The following OTUD7A variants were observed in gnomAD, a reference collection of about 807,000 sequenced individuals.
The protein encoded by OTUD7A is OTU deubiquitinase 7A.
In OTUD7A, 12 loss-of-function variants were observed where a neutral mutation model predicts 65.7. The observed-to-expected ratio is 0.18, with a 90% confidence interval of 0.12 to 0.30. The LOEUF is 0.30. Among genes scored for constraint, OTUD7A ranks in the 10% least tolerant of loss-of-function variants. OTUD7A has a pLI of 1.00. For missense variants in OTUD7A, 1,148 were observed against 1,304.8 expected (o/e 0.88, Z 1.85); for synonymous variants, 641 against 586.3 (o/e 1.09, Z -1.35).
intron 1 of OTUD7A, among the ~76,000 whole-genome samples, chr15:31,833,764 T>G (rs1896990500): frequency 6.6e-6 from 1 of 152,232 alleles, no homozygotes. Flanking sequence ...GTATTTTGAG[T>G]GAATAGATCA....
rs1242891075 is a variant in OTUD7A at position 31,483,482 on chromosome 15, C to T, written c.2614G>A (p.Ala872Thr). Residue 872 changes from alanine (A) to threonine (T), a missense_variant, in exon 13 of 13, where the codon GCC becomes ACC. By Grantham distance (58) the Ala-to-Thr change is moderately conservative. Coordinates refer to ENST00000307050, the MANE Select transcript of OTUD7A (RefSeq NM_001382637.1). ...CGCGCGGTCGGCGCGTCGGCGTCGG[C>T]GAACTCCAGGCCGTCGCGCAGGGCG... ...FGALRDGLEF[A>T]DADAPTARSN... is the part of the protein sequence containing the mutation. 7.9e-6 allele frequency: 11 copies of T among 1,392,626 alleles called. No individual in the cohort carries two copies. The highest frequency in any genetic ancestry group is 1.0e-5 in the Non-Finnish European group (11 of 1,072,422). 86.3% of individuals were successfully genotyped at this position (1,392,626 alleles called of 1,614,324 possible).
intron 10 of OTUD7A, 97 bp downstream of exon 10, chr15:31,501,593 G>T: frequency 2.0e-6 from 3 of 1,504,876 alleles, no homozygotes; most frequent in Non-Finnish European, 2.7e-6. Flanking sequence ...CTAAGGGGGG[G>T]TCTCCACAAT....
chr15:31,504,752 G>A (rs1284769346), intron 8 of OTUD7A, among the ~76,000 whole-genome samples: 1 of 152,218 alleles, frequency 6.6e-6, no homozygotes, highest in East Asian at 1.9e-4. Flanking sequence ...TGGGGAAAGA[G>A]CTTCATGGGT....
chr15:31,631,746 C>G (rs1891164937), intron 3 of OTUD7A, among the ~76,000 whole-genome samples: 1 of 152,184 alleles, frequency 6.6e-6, no homozygotes, highest in African/African-American at 2.4e-5. Flanking sequence ...TAAATTTGGT[C>G]TTTTCACATA....
At chr15:31,519,670 A>T (rs1008657361) in intron 8 of OTUD7A, among the ~76,000 whole-genome samples, 27 of 152,350 alleles carry the variant, frequency 1.8e-4, no homozygotes, top group African/African-American at 6.5e-4. Flanking sequence ...CAAGAGAAAA[A>T]AACAAAAGGC....
chr15:31,694,995 A>G (rs1412564473), intron 1 of OTUD7A, among the ~76,000 whole-genome samples: 6 of 151,822 alleles, frequency 4.0e-5, no homozygotes, highest in Non-Finnish European at 8.8e-5. Context: ...ACAGGCACCC[A>G]CCACCACGCC....
At chr15:31,776,477 C>CT (rs1359457710) in intron 1 of OTUD7A, among the ~76,000 whole-genome samples, 3 of 152,132 alleles carry the variant, frequency 2.0e-5, no homozygotes, top group Non-Finnish European at 4.4e-5. Flanking sequence ...CACATGGCCC[C>CT]TCCCGACTCT....
intron 3 of OTUD7A, chr15:31,649,635 C>T (rs1220662859): frequency 1.4e-5 from 3 of 216,010 alleles, no homozygotes; most frequent in African/African-American, 7.0e-5. Context: ...AACTTTGACA[C>T]CTTAAATAAT....
At chr15:31,827,628 T>C (rs1896829750) in intron 1 of OTUD7A, among the ~76,000 whole-genome samples, 1 of 152,200 alleles carries the variant, frequency 6.6e-6, no homozygotes, top group Non-Finnish European at 1.5e-5. Flanking sequence ...TTTCTAAAAC[T>C]CTTTGTTAGA....
chr15:31,844,526 C>G (rs992108431), intron 1 of OTUD7A, among the ~76,000 whole-genome samples: 2 of 152,180 alleles, frequency 1.3e-5, no homozygotes, highest in African/African-American at 2.4e-5. Flanking sequence ...GAATCACACA[C>G]TGGTTCCATG....
chr15:31,748,472 T>G (rs1385089633), intron 1 of OTUD7A, among the ~76,000 whole-genome samples: 2 of 151,502 alleles, frequency 1.3e-5, no homozygotes, highest in Non-Finnish European at 2.9e-5. Flanking sequence ...AAAATATATA[T>G]AGATAGAGCA....
intron 1 of OTUD7A, among the ~76,000 whole-genome samples, chr15:31,736,352 G>A (rs544637693): frequency 1.0e-3 from 158 of 152,168 alleles, no homozygotes; most frequent in Non-Finnish European, 1.9e-3. Flanking sequence ...CTGGGTGATG[G>A]GTACATGGGA....
intron 1 of OTUD7A, among the ~76,000 whole-genome samples, chr15:31,842,224 A>G (rs914137548): frequency 6.6e-6 from 1 of 152,210 alleles, no homozygotes; most frequent in Non-Finnish European, 1.5e-5. Flanking sequence ...TGGTGACCCC[A>G]GGGGGGTATG....
chr15:31,572,210 C>G (rs2141174229), intron 3 of OTUD7A, among the ~76,000 whole-genome samples: 1 of 152,316 alleles, frequency 6.6e-6, no homozygotes, highest in Admixed American at 6.5e-5. Flanking sequence ...GCAATACACA[C>G]AGCTGAAAAT....
intron 1 of OTUD7A, among the ~76,000 whole-genome samples, chr15:31,813,543 T>C (rs1896474454): frequency 6.6e-6 from 1 of 152,224 alleles, no homozygotes; most frequent in Non-Finnish European, 1.5e-5. Context: ...GAGGACATTC[T>C]TTGGTCAAAT....
chr15:31,743,911 C>T (rs1255584067), intron 1 of OTUD7A, among the ~76,000 whole-genome samples: 1 of 151,908 alleles, frequency 6.6e-6, no homozygotes, highest in Non-Finnish European at 1.5e-5. Flanking sequence ...ATATCATCAG[C>T]ATCACAGATG....
intron 3 of OTUD7A, among the ~76,000 whole-genome samples, chr15:31,616,311 C>T (rs1233445903): frequency 6.6e-6 from 1 of 152,210 alleles, no homozygotes; most frequent in Admixed American, 6.5e-5. Flanking sequence ...AGACCTTGCT[C>T]TTGCCTTGTC....
intron 5 of OTUD7A, among the ~76,000 whole-genome samples, chr15:31,537,540 T>C (rs985233836): frequency 3.3e-5 from 5 of 152,172 alleles, no homozygotes; most frequent in East Asian, 1.9e-4. Context: ...GTGGACGTCA[T>C]TGGAAAAAAC....
In OTUD7A at chr15:31,484,101, C is replaced by G; in HGVS notation, c.1995G>C (p.Leu665=). The part of the protein sequence containing the change: ...QFHEEMIGYY[L]TSAQERFSAE... ...CGCTGAAGCGCTCCTGCGCGCTCGT[C>G]AGGTAGTAGCCGATCATCTCCTCGT... The change falls in exon 13 of 13, where the codon CTG becomes CTC. Residue 665 remains leucine (L), a synonymous_variant. Transcript: ENST00000307050. This position sits in a 1 kb window ranked among gnomAD's most constrained non-coding sequence, Gnocchi z 4.5. The G allele has an allele frequency of 6.2e-7, 1 of 1,604,002 alleles. No individual in the cohort carries two copies. Among genetic ancestry groups the G allele is most frequent in the Non-Finnish European group, 8.5e-7 (1 of 1,179,152 alleles).
Sources: gnomAD v4.1 joint callset for allele counts (sites outside exome capture counted in the v4.1 genomes callset) on GRCh38, gnomAD v4.1.1 for gene constraint, Gnocchi (gnomAD v3.1) non-coding constraint, MANE v1.5 for transcripts, NCBI Gene and HGNC (gene_info 2026-07-23, HGNC 2026-07-21) for gene names.